ZNF420: variants seen among roughly 807,000 people sequenced by gnomAD.
The protein encoded by ZNF420 is ATM and p53-associated KZNF protein.
In ZNF420, 31 loss-of-function variants were observed where a neutral mutation model predicts 44.7. The ratio of observed to expected loss-of-function variants is 0.69; its 90% confidence interval spans 0.52 to 0.94. The LOEUF (loss-of-function observed/expected upper bound fraction) is 0.94, where lower values mean the gene tolerates loss of function less well. Among genes scored for constraint, ZNF420 ranks in the 40% least tolerant of loss-of-function variants. The pLI, the probability that ZNF420 is intolerant of heterozygous loss-of-function variation, is 0.00. For synonymous variants in ZNF420, 245 were observed against 267.4 expected (o/e 0.92, Z 0.82); for missense variants, 681 against 827.9 (o/e 0.82, Z 2.18).
At chr19:37,104,234 G>A (rs1048648497) in intron 4 of ZNF420, among the ~76,000 whole-genome samples, 1 of 150,134 alleles carries the variant, frequency 6.7e-6, no homozygotes, top group Admixed American at 6.7e-5. Flanking sequence ...GAGAACATGT[G>A]GTGTTTGTTT....
At chr19:37,082,716 G>A (rs951746230) in intron 2 of ZNF420, among the ~76,000 whole-genome samples, 1 of 152,082 alleles carries the variant, frequency 6.6e-6, no homozygotes, top group African/African-American at 2.4e-5. Flanking sequence ...ACAGGATATA[G>A]CCCACTAGGG....
At chr19:37,008,732 C>T (rs1255702208) in intron 1 of ZNF420, among the ~76,000 whole-genome samples, 2 of 152,216 alleles carry the variant, frequency 1.3e-5, no homozygotes, top group Non-Finnish European at 1.5e-5. Flanking sequence ...CCCGGGTGCC[C>T]GTTGCGGTGG....
intron 4 of ZNF420, among the ~76,000 whole-genome samples, chr19:37,103,442 CTA>C (rs1202982294): frequency 6.6e-6 from 1 of 152,046 alleles, no homozygotes; most frequent in East Asian, 1.9e-4. Context: ...ATTAATTTCT[CTA>C]TATGTCTGCT....
chr19:37,029,582 CTG>C, intron 1 of ZNF420, among the ~76,000 whole-genome samples: 1 of 150,516 alleles, frequency 6.6e-6, no homozygotes, highest in Non-Finnish European at 1.5e-5. Flanking sequence ...AAGTCTCGGC[CTG>C]TCACCCAGGC....
chr19:37,127,969 G>T lies in ZNF420; in HGVS notation c.978G>T (p.Gln326His). ...GTGGCTCACAGCTTTCTCAACATCA[G>T]AAAATTCATAATGGGGAAAAACCAT... ...FICGSQLSQH[Q>H]KIHNGEKPYE... The change falls in exon 5 of 5, where the codon CAG becomes CAT. Residue 326 changes from glutamine to histidine, a missense_variant. Around this residue, in one of 3 missense-constraint regions of ZNF420, gnomAD observed 350 missense variants for 382.5 expected, o/e 0.92. Coordinates refer to ENST00000337995, the MANE Select transcript of ZNF420 (RefSeq NM_144689.5). 6.2e-7 allele frequency: 1 copy of T among 1,613,938 alleles called. No individual in the cohort carries two copies. The highest frequency in any genetic ancestry group is 8.5e-7 in the Non-Finnish European group (1 of 1,179,946).
Position 37,130,244 on chromosome 19 carries a change from G to A in ZNF420, c.*1186G>A, listed in dbSNP as rs1345703703. ...AGGAGTCTGCAACCCTGATGACTTT[G>A]TGGAACAGCCATACTAGCTCTGGTC... On this transcript the variant is annotated 3_prime_UTR_variant, in exon 5 of 5. Transcript: ENST00000337995. 3.3e-6 allele frequency: 5 copies of A among 1,527,390 alleles called. No homozygotes were observed. The South Asian group carries it at 3.8e-5, about 11-fold the overall frequency. The allele number at this position is 1,527,390 out of a possible 1,614,324, so 94.6% of individuals were successfully genotyped here.
rs1971415805 is a variant in ZNF420 at position 37,127,464 on chromosome 19, A to G, written c.473A>G (p.Gln158Arg). 1.2e-6 allele frequency: 2 copies of G among 1,614,100 alleles called. No individual in the cohort carries two copies. The highest frequency in any genetic ancestry group is 1.7e-6 in the Non-Finnish European group (2 of 1,179,986). Reference protein sequence around the residue: ...FRRASHLTQHQSIHTGEKPYE... With the variant: ...FRRASHLTQHRSIHTGEKPYE... ...CGAGCCTCACACCTAACACAACATC[A>G]AAGTATTCATACTGGTGAAAAACCC... Residue 158 changes from glutamine (Q) to arginine (R), a missense_variant, in exon 5 of 5, where the codon CAA becomes CGA. Gln to Arg is a conservative substitution (Grantham distance 43, BLOSUM62 1). Coordinates refer to ENST00000337995, the MANE Select transcript of ZNF420 (RefSeq NM_144689.5).
At chr19:37,038,781 C>T (rs777937676) in intron 1 of ZNF420, among the ~76,000 whole-genome samples, 5 of 151,914 alleles carry the variant, frequency 3.3e-5, no homozygotes, top group African/African-American at 7.3e-5. Flanking sequence ...GGAGAAACCC[C>T]GTCTCTACTA....
At chr19:37,016,059 T>C (rs1723209845) in intron 1 of ZNF420, among the ~76,000 whole-genome samples, 1 of 152,206 alleles carries the variant, frequency 6.6e-6, no homozygotes, top group African/African-American at 2.4e-5. Flanking sequence ...TCCTAATGAC[T>C]GGGTAGCTGT....
intron 1 of ZNF420, among the ~76,000 whole-genome samples, chr19:37,008,458 A>C (rs995745655): frequency 2.0e-5 from 3 of 152,060 alleles, no homozygotes; most frequent in African/African-American, 7.2e-5. Context: ...AGGAATTGAA[A>C]TCTCATCCCC....
At chr19:37,067,551 A>G (rs55700472) in intron 1 of ZNF420, among the ~76,000 whole-genome samples, 6,849 of 152,302 alleles carry the variant, frequency 0.045, 217 homozygotes, top group South Asian at 0.085. Flanking sequence ...TTTAATTTCT[A>G]CATGTTTGGA....
intron 1 of ZNF420, among the ~76,000 whole-genome samples, chr19:37,054,131 G>A (rs1188309256): frequency 6.6e-6 from 1 of 152,200 alleles, no homozygotes; most frequent in Non-Finnish European, 1.5e-5. Flanking sequence ...AATGAGCAAG[G>A]CTCCATGGGC....
At chr19:37,093,680 A>G (rs923141837) in intron 4 of ZNF420, among the ~76,000 whole-genome samples, 17 of 152,236 alleles carry the variant, frequency 1.1e-4, no homozygotes, top group African/African-American at 3.6e-4. Context: ...CATCCAAACT[A>G]TATCCCATGC....
At chr19:37,083,825 G>A (rs1332093006) in intron 2 of ZNF420, among the ~76,000 whole-genome samples, 2 of 152,122 alleles carry the variant, frequency 1.3e-5, no homozygotes, top group Non-Finnish European at 2.9e-5. Context: ...AACAAGGATA[G>A]TAGGAACTCT....
chr19:37,125,595 T>C (rs1971301533), intron 4 of ZNF420, among the ~76,000 whole-genome samples: 1 of 152,220 alleles, frequency 6.6e-6, no homozygotes, highest in Non-Finnish European at 1.5e-5. Context: ...TGTGTCCTTA[T>C]AAGTCAAAGT....
intron 1 of ZNF420, among the ~76,000 whole-genome samples, chr19:37,038,370 C>T (rs1320494859): frequency 6.6e-6 from 1 of 152,102 alleles, no homozygotes; most frequent in African/African-American, 2.4e-5. Flanking sequence ...GTGGCAATTC[C>T]TTAAAATAAG....
At chr19:37,099,236 T>A (rs1470277746) in intron 4 of ZNF420, among the ~76,000 whole-genome samples, 1 of 152,184 alleles carries the variant, frequency 6.6e-6, no homozygotes, top group Non-Finnish European at 1.5e-5. Flanking sequence ...GTTCTATGTT[T>A]ACTTTTTTGA....
chr19:37,066,335 C>T (rs1180223870), intron 1 of ZNF420, among the ~76,000 whole-genome samples: 1 of 151,774 alleles, frequency 6.6e-6, no homozygotes, highest in African/African-American at 2.4e-5. Flanking sequence ...CCCAGCTACT[C>T]AGGAGGCTGA....
Position 37,127,119 on chromosome 19 carries a change from A to ATCTT in ZNF420, c.137-6_137-3dup. The ATCTT allele has an allele frequency of 6.9e-7, 1 of 1,453,338 alleles. No homozygotes were observed. Among genetic ancestry groups the ATCTT allele is most frequent in the Non-Finnish European group, 9.1e-7 (1 of 1,100,486 alleles). 90.0% of individuals were successfully genotyped at this position (1,453,338 alleles called of 1,614,324 possible). On this transcript the variant is annotated splice_polypyrimidine_tract_variant and intron_variant, in intron 4 of 4. Transcript: ENST00000337995. The stretch of plus-strand genomic sequence containing the variant: ...TTTCTCAATTTTTTTATTCTCTCTT[A>ATCTT]TCTTTCAGACTTGCCTTCAAGGTGT...
Sources: allele counts gnomAD v4.1 joint callset (sites outside exome capture counted in the v4.1 genomes callset), GRCh38; gene constraint gnomAD v4.1.1; regional missense constraint gnomAD v4.1.1; transcripts MANE v1.5; gene names NCBI Gene and HGNC (gene_info 2026-07-23, HGNC 2026-07-21).